The following RAPH1 variants were observed in gnomAD, a reference collection of about 807,000 sequenced individuals.
The protein encoded by RAPH1 is ras-associated and pleckstrin homology domains-containing protein 1.
Under a neutral mutation model 88.1 loss-of-function variants are expected in RAPH1, and 18 were observed. The ratio of observed to expected loss-of-function variants is 0.20; its 90% CI spans 0.14 to 0.30. The LOEUF (loss-of-function observed/expected upper bound fraction) is 0.30. Among genes scored for constraint, RAPH1 ranks in the 10% least tolerant of loss-of-function variants. RAPH1 has a pLI of 1.00. For missense variants in RAPH1, 1,448 were observed against 1,543.2 expected, an observed-to-expected ratio of 0.94 and a Z score of 1.03; for synonymous variants, 587 against 559.0, an observed-to-expected ratio of 1.05 and a Z score of -0.71.
intron 4 of RAPH1, among the ~76,000 whole-genome samples, chr2:203,472,801 A>G (rs2098534314): frequency 6.6e-6 from 1 of 152,332 alleles, no homozygotes; most frequent in African/African-American, 2.4e-5. Context: ...TAAAAACACA[A>G]GATTTAATCA....
chr2:203,506,838 C>CTATATA (rs1559494704), intron 1 of RAPH1, among the ~76,000 whole-genome samples: 15 of 8,548 alleles, frequency 1.8e-3, no homozygotes, highest in African/African-American at 3.5e-3. Flanking sequence ...ATATCTATAT[C>CTATATA]TATATATCTA....
At chr2:203,527,899 G>A (rs773869862) in intron 1 of RAPH1, among the ~76,000 whole-genome samples, 2 of 151,936 alleles carry the variant, frequency 1.3e-5, no homozygotes, top group Non-Finnish European at 2.9e-5. Context: ...GGAGGAGAGG[G>A]TAAGGTTTAA....
intron 4 of RAPH1, among the ~76,000 whole-genome samples, chr2:203,484,693 A>G (rs1687884836): frequency 6.6e-6 from 1 of 152,212 alleles, no homozygotes. Context: ...CTCAGAAGCA[A>G]GAGTAGACAG....
intron 1 of RAPH1, among the ~76,000 whole-genome samples, chr2:203,515,302 T>G (rs370416691): frequency 6.6e-6 from 1 of 152,220 alleles, no homozygotes; most frequent in African/African-American, 2.4e-5. Context: ...CCATTGCAAG[T>G]TCTGTTTGAC....
Position 203,481,423 on chromosome 2 carries a change from G to A in RAPH1, c.732+8161C>T, listed in dbSNP as rs570290084. On this transcript the variant is annotated intron_variant, in intron 4 of 13. Coordinates refer to ENST00000319170, the MANE Select transcript of RAPH1 (RefSeq NM_213589.3). ...AAGACATAAAGCACAATGGCTAACAGAACAAGCACTCAATTTTTCTATTTT... is the reference window on the plus strand; with the variant it reads ...AAGACATAAAGCACAATGGCTAACAAAACAAGCACTCAATTTTTCTATTTT... 2.6e-5 allele frequency among the ~76,000 whole-genome samples: 4 copies of A among 152,216 alleles called. No homozygotes were observed. The South Asian group carries it at 8.3e-4, about 32-fold the overall frequency.
At chr2:203,523,566 C>T (rs1689989019) in intron 1 of RAPH1, among the ~76,000 whole-genome samples, 2 of 151,872 alleles carry the variant, frequency 1.3e-5, no homozygotes, top group Non-Finnish European at 2.9e-5. Flanking sequence ...ATTATAAACT[C>T]CAAGGAGAAA....
intron 10 of RAPH1, among the ~76,000 whole-genome samples, chr2:203,450,876 TGC>T (rs999748807): frequency 2.0e-5 from 3 of 151,068 alleles, no homozygotes; most frequent in African/African-American, 7.3e-5. Flanking sequence ...TGTGCTTCCA[TGC>T]GTTCTGCACA....
At chr2:203,508,704 T>C (rs1243279076) in intron 1 of RAPH1, among the ~76,000 whole-genome samples, 1 of 151,442 alleles carries the variant, frequency 6.6e-6, no homozygotes, top group Non-Finnish European at 1.5e-5. Flanking sequence ...AAGAGAGAGA[T>C]GAAGGAGGAG....
chr2:203,504,338 G>A (rs935707825), intron 1 of RAPH1, among the ~76,000 whole-genome samples: 1 of 152,166 alleles, frequency 6.6e-6, no homozygotes, highest in African/African-American at 2.4e-5. Context: ...CTTGACTTCT[G>A]TGCACCCGCA....
chr2:203,442,230 C>T (rs2153633975), intron 13 of RAPH1: 1 of 710,378 alleles, frequency 1.4e-6, no homozygotes, highest in East Asian at 3.1e-5. Flanking sequence ...CATTTGCCAA[C>T]AACCAACCCA....
At position 203,441,352 on chromosome 2, in the gene RAPH1, G is replaced by A. The variant is rs1383945878; in HGVS notation, c.1838C>T (p.Pro613Leu). ...TSLVPPLSPQ[P>L]KIVTPYTASQ... ...AGCAGTGTAGGGGGTGACTATCTTAGGTTGCGGGGATAAAGGGGGCACAAG... is the reference window on the plus strand; with the variant it reads ...AGCAGTGTAGGGGGTGACTATCTTAAGTTGCGGGGATAAAGGGGGCACAAG... The change falls in exon 14 of 14, where the codon CCT (proline) becomes CTT (leucine). Residue 613 changes from proline to leucine, a missense_variant. By Grantham distance (98) the Pro-to-Leu change is moderately conservative (BLOSUM62 -3). Transcript: ENST00000319170. The A allele has an allele frequency of 5.1e-6, 8 of 1,578,988 alleles. No individual in the cohort carries two copies. Among genetic ancestry groups the A allele is most frequent in the Non-Finnish European group, 6.9e-6 (8 of 1,164,014 alleles).
At chr2:203,479,033 T>A (rs1447438615) in intron 4 of RAPH1, among the ~76,000 whole-genome samples, 1 of 152,186 alleles carries the variant, frequency 6.6e-6, no homozygotes, top group Non-Finnish European at 1.5e-5. Flanking sequence ...AGGAAACAGA[T>A]ACTGAAGTAT....
chr2:203,481,207 C>A (rs1406653012), intron 4 of RAPH1, among the ~76,000 whole-genome samples: 1 of 152,098 alleles, frequency 6.6e-6, no homozygotes, highest in Non-Finnish European at 1.5e-5. Context: ...ACTGGCCAGT[C>A]TACTTGTCTT....
intron 1 of RAPH1, among the ~76,000 whole-genome samples, chr2:203,524,853 AT>A (rs531922769): frequency 1.4e-3 from 207 of 152,328 alleles, no homozygotes; most frequent in African/African-American, 4.8e-3. Flanking sequence ...AGTTTATTAT[AT>A]AGAAATTATA....
rs368477075 is a variant in RAPH1 at position 203,511,269 on chromosome 2, TA to T, written c.1-15917del. Among the ~76,000 whole-genome samples the T allele has an allele frequency of 6.7e-3, 950 of 141,938 alleles. 9 individuals are homozygous for T. Among genetic ancestry groups the T allele is most frequent in the African/African-American group, 0.014 (557 of 39,154 alleles). The allele number at this position is 141,938 out of a possible 152,430, so 93.1% of individuals were successfully genotyped here. A position where few individuals can be genotyped will look rare whatever the true frequency, so the allele number is the denominator to read the frequency against. On this transcript the variant is annotated intron_variant, in intron 1 of 13. Transcript: ENST00000319170. ...ACTCAAAGCTAAAGGTACATTTCTT[TA>T]AAAAAAAAAAAAAGTGGCCAATTTA... is the stretch of plus-strand genomic sequence containing the variant.
chr2:203,526,045 A>G (rs1690100371), intron 1 of RAPH1, among the ~76,000 whole-genome samples: 1 of 152,166 alleles, frequency 6.6e-6, no homozygotes, highest in Non-Finnish European at 1.5e-5. Flanking sequence ...ATAAAATGCT[A>G]CTCAATTACT....
At position 203,465,877 on chromosome 2, in the gene RAPH1, CA is replaced by C. The variant is rs374856377; in HGVS notation, c.733-3953del. 8.3e-4 allele frequency among the ~76,000 whole-genome samples: 119 copies of C among 143,854 alleles called. 1 individual carries two copies. The East Asian group carries it at 0.012, about 15-fold the overall frequency. The allele number at this position is 143,854 out of a possible 152,430, so 94.4% of individuals were successfully genotyped here. Reference sequence around the variant, plus strand: ...TGGGTGACACAGCAAGACTTCGTCTCAAAAAAAAAAAGTTGACACAACGGAC... The same window carrying C: ...TGGGTGACACAGCAAGACTTCGTCTCAAAAAAAAAAGTTGACACAACGGAC... On this transcript the variant is annotated intron_variant, in intron 4 of 13. Transcript: ENST00000319170.
intron 1 of RAPH1, among the ~76,000 whole-genome samples, chr2:203,505,462 C>T (rs1047092469): frequency 1.3e-5 from 2 of 151,992 alleles, no homozygotes; most frequent in South Asian, 2.1e-4. Flanking sequence ...GTCCCTCCCA[C>T]AACACAGAGG....
chr2:203,520,596 C>T (rs1057089775), intron 1 of RAPH1, among the ~76,000 whole-genome samples: 26 of 151,558 alleles, frequency 1.7e-4, no homozygotes, highest in African/African-American at 6.1e-4. Flanking sequence ...CATTGCACTC[C>T]AGCCTGGGCA....
Sources: gnomAD v4.1 joint callset for allele counts (sites outside exome capture counted in the v4.1 genomes callset) on GRCh38, gnomAD v4.1.1 for gene constraint, MANE v1.5 for transcripts, NCBI Gene and HGNC (gene_info 2026-07-23, HGNC 2026-07-21) for gene names.